TRPV3: variants seen among roughly 807,000 people sequenced by gnomAD.
The protein encoded by TRPV3 is transient receptor potential cation channel subfamily V member 3, also known as VRL-3.
TRPV3 carries 88 observed loss-of-function variants against 87.1 expected under a neutral mutation model. The ratio of observed to expected loss-of-function variants is 1.01; its 90% CI spans 0.85 to 1.21. The LOEUF (loss-of-function observed/expected upper bound fraction) is 1.21. Ranked by LOEUF, TRPV3 falls within the 50% of genes most tolerant of loss-of-function variation. TRPV3 has a pLI of 0.00. For missense variants in TRPV3, 1,054 were observed against 1,030.1 expected (o/e 1.02, Z -0.32); for synonymous variants, 438 against 423.3 (o/e 1.03, Z -0.43).
Position 3,542,530 on chromosome 17 carries a change from G to C in TRPV3, c.635C>G (p.Ala212Gly). 1 of 1,613,618 alleles carries C rather than the reference G, an allele frequency of 6.2e-7. No individual in the cohort carries two copies. The highest frequency in any genetic ancestry group is 2.2e-5 in the East Asian group (1 of 44,868). ...RFINAEYTEE[A>G]YEGQTALNIA... Reference sequence around the variant, plus strand: ...CTCTGCAGGCAGGATACCTTCATAGGCCTCCTCTGTGTACTCGGCGTTGAT... The same window carrying C: ...CTCTGCAGGCAGGATACCTTCATAGCCCTCCTCTGTGTACTCGGCGTTGAT... Residue 212 changes from alanine to glycine, a missense_variant, in exon 6 of 18, where the codon GCC becomes GGC. Transcript: ENST00000576742.
rs2074636623 is a variant in TRPV3 at position 3,556,727 on chromosome 17, C to T, written c.-3+949G>A. On this transcript the variant is annotated intron_variant, in intron 1 of 17. Transcript: ENST00000576742. This position sits in a 1 kb window ranked among gnomAD's most constrained non-coding sequence, Gnocchi z 4.2. ...GCTTTGGCCCTGGAGCGTAGGCAAC[C>T]TTGAGGCCAGGCAGGTGGAGTAGCC... Among the ~76,000 whole-genome samples, 1 of 152,128 alleles carries T rather than the reference C, an allele frequency of 6.6e-6. No individual in the cohort carries two copies. Among genetic ancestry groups the T allele is most frequent in the African/African-American group, 2.4e-5 (1 of 41,436 alleles).
rs113213025 is a variant in TRPV3, at chr17:3,539,359, G to A, written c.643+3163C>T. ...TACAATGAAACTCTATTCATGTGAC[G>A]TGGATGTTGTTAGGCTGGGTGCGGT... On this transcript the variant is annotated intron_variant, in intron 6 of 17. Transcript: ENST00000576742. Among the ~76,000 whole-genome samples, 1,084 of 152,046 alleles carry A rather than the reference G, an allele frequency of 7.1e-3. 20 individuals carry two copies. Among genetic ancestry groups the A allele is most frequent in the African/African-American group, 0.025 (1,022 of 41,484 alleles).
chr17:3,519,849 ACTGGATGGATGGATGGATGGATGGATGG>A (rs2074227558), intron 14 of TRPV3, among the ~76,000 whole-genome samples: 1 of 18,476 alleles, frequency 5.4e-5, no homozygotes, highest in Non-Finnish European at 1.3e-4. Context: ...TGGATGGATG[ACTGGATGGATGGATGGATGGATGGATGG>A]ATGGATGGAT....
chr17:3,531,877 G>A (rs1167082998), intron 8 of TRPV3, among the ~76,000 whole-genome samples: 1 of 152,172 alleles, frequency 6.6e-6, no homozygotes, highest in African/African-American at 2.4e-5. Context: ...CAAGGCCCTC[G>A]GGGCAGCTGA....
chr17:3,524,255 C>A lies in TRPV3; in HGVS notation c.1686G>T (p.Met562Ile), dbSNP rs757549191. 1 of 1,614,124 alleles carries A rather than the reference C, an allele frequency of 6.2e-7. No homozygotes were observed. The change falls in exon 13 of 18, where the codon ATG (methionine) becomes ATT (isoleucine). Residue 562 changes from methionine to isoleucine, a missense_variant. Transcript: ENST00000576742. ...VLAMALGWAN[M>I]LYYTRGFQSM... The stretch of plus-strand genomic sequence containing the variant: ...ACTGGAAACCCCGCGTATAGTAGAG[C>A]ATGTTCGCCCAGCCCAGGGCCATGG...
Position 3,557,270 on chromosome 17 carries a change from G to A in TRPV3, c.-3+406C>T, listed in dbSNP as rs943376286. On this transcript the variant is annotated intron_variant, in intron 1 of 17. Coordinates refer to ENST00000576742, the MANE Select transcript of TRPV3 (RefSeq NM_145068.4). This position sits in a 1 kb window ranked among gnomAD's most constrained non-coding sequence, Gnocchi z 4.5. Reference sequence around the variant, plus strand: ...AGCACCTGTGAGATGCCTGGGCCCCGTCTGTCTCCCACGGTGGGGCCACCT... The same window carrying A: ...AGCACCTGTGAGATGCCTGGGCCCCATCTGTCTCCCACGGTGGGGCCACCT... Among the ~76,000 whole-genome samples, 9 of 152,062 alleles carry A rather than the reference G, an allele frequency of 5.9e-5. No individual in the cohort carries two copies. The highest frequency in any genetic ancestry group is 1.7e-4 in the African/African-American group (7 of 41,400).
intron 14 of TRPV3, among the ~76,000 whole-genome samples, chr17:3,520,183 A>G (rs1254993757): frequency 9.2e-5 from 14 of 152,220 alleles, no homozygotes; most frequent in Non-Finnish European, 1.8e-4. Flanking sequence ...GAAAAGAAAA[A>G]AAAGCAACTG....
Position 3,511,746 on chromosome 17 carries a change from T to C in TRPV3, c.*2171A>G, listed in dbSNP as rs2074116504. 1 of 152,216 alleles carries C rather than the reference T, an allele frequency of 6.6e-6. No individual in the cohort carries two copies. Among genetic ancestry groups the C allele is most frequent in the Non-Finnish European group, 1.5e-5 (1 of 68,046 alleles). The allele number at this position is 152,216 out of a possible 1,614,324, so 9.4% of individuals were successfully genotyped here. A position where few individuals can be genotyped will look rare whatever the true frequency, so the allele number is the denominator to read the frequency against. The stretch of plus-strand genomic sequence containing the variant: ...GACAAAAGCTGGCAGGTTAGGCAAA[T>C]AGAAATCAATAATTGGCTTTATCCA... On this transcript the variant is annotated 3_prime_UTR_variant, in exon 18 of 18. Coordinates refer to ENST00000576742, the MANE Select transcript of TRPV3 (RefSeq NM_145068.4).
rs758241892 is a variant in TRPV3 at position 3,530,218 on chromosome 17, G to A, written c.1066-15C>T. ...TACTTCAGGATCTGGGACAGGAGGA[G>A]GAACAACCATCAGCTGCAGAACAGG... On this transcript the variant is annotated splice_polypyrimidine_tract_variant and intron_variant, in intron 8 of 17. Coordinates refer to ENST00000576742, the MANE Select transcript of TRPV3 (RefSeq NM_145068.4). This position sits in a 1 kb window ranked among gnomAD's most constrained non-coding sequence, Gnocchi z 4.0. The A allele has an allele frequency of 6.1e-5, 98 of 1,605,146 alleles. No individual in the cohort carries two copies. In the South Asian group the frequency reaches 1.0e-3, roughly 16 times the overall value.
In TRPV3 at chr17:3,532,708, G is replaced by T; in HGVS notation, c.1014C>A (p.Asn338Lys). 1 of 1,614,256 alleles carries T rather than the reference G, an allele frequency of 6.2e-7. No individual in the cohort carries two copies. The highest frequency in any genetic ancestry group is 8.5e-7 in the Non-Finnish European group (1 of 1,180,046). ...SGNWELETTR[N>K]NDGLTPLQLA... ...GCTGCAGCGGCGTGAGGCCATCGTT[G>T]TTGCGAGTGGTCTCCAGCTCCCAGT... Residue 338 changes from asparagine (N) to lysine (K), a missense_variant, in exon 8 of 18, where the codon AAC becomes AAA. By Grantham distance (94) the Asn-to-Lys change is moderately conservative (BLOSUM62 0). Transcript: ENST00000576742.
At chr17:3,531,031 G>A (rs911194180) in intron 8 of TRPV3, among the ~76,000 whole-genome samples, 2 of 151,690 alleles carry the variant, frequency 1.3e-5, no homozygotes, top group Non-Finnish European at 2.9e-5. Context: ...ACTCCAGCCT[G>A]GGCAATGAAG....
At position 3,514,698 on chromosome 17, in the gene TRPV3, T is replaced by G. The variant is rs112674515; in HGVS notation, c.2199-26A>C. Reference sequence around the variant, plus strand: ...CTGCAAATGTGATAATCATTCTTACTATTTCACCAGTGCCTCACTGAGTAC... The same window carrying G: ...CTGCAAATGTGATAATCATTCTTACGATTTCACCAGTGCCTCACTGAGTAC... On this transcript the variant is annotated intron_variant, in intron 16 of 17. Coordinates refer to ENST00000576742, the MANE Select transcript of TRPV3 (RefSeq NM_145068.4). The G allele has an allele frequency of 6.7e-5, 105 of 1,577,376 alleles. No individual in the cohort carries two copies. The African/African-American group carries it at 1.1e-3, about 16-fold the overall frequency.
intron 14 of TRPV3, among the ~76,000 whole-genome samples, chr17:3,519,842 A>G (rs2074227218): frequency 8.6e-6 from 1 of 115,964 alleles, no homozygotes; most frequent in Non-Finnish European, 2.0e-5. Flanking sequence ...GGATGAATGG[A>G]TGGATGACTG....
At position 3,542,656 on chromosome 17, in the gene TRPV3, G is replaced by T. The variant is rs202045599; in HGVS notation, c.509C>A (p.Thr170Asn). ...GTTTAACAAGGCCTTCATCAGGCAG[G>T]TCTTCCCCGTGTCGGAGGCCGTCAG... Reference protein sequence around the residue: ...HKLTASDTGKTCLMKALLNIN... With the variant: ...HKLTASDTGKNCLMKALLNIN... Residue 170 changes from threonine to asparagine, a missense_variant, in exon 6 of 18, where the codon ACC becomes AAC. Coordinates refer to ENST00000576742, the MANE Select transcript of TRPV3 (RefSeq NM_145068.4). 3 of 1,614,118 alleles carry T rather than the reference G, an allele frequency of 1.9e-6. No individual in the cohort carries two copies. The highest frequency in any genetic ancestry group is 2.5e-6 in the Non-Finnish European group (3 of 1,180,006).
At chr17:3,537,424 C>A (rs1476470598) in intron 6 of TRPV3, among the ~76,000 whole-genome samples, 1 of 151,972 alleles carries the variant, frequency 6.6e-6, no homozygotes, top group South Asian at 2.1e-4. Flanking sequence ...CCTGCACCAC[C>A]ACTCCCGGCT....
intron 2 of TRPV3, among the ~76,000 whole-genome samples, chr17:3,545,760 C>T (rs933367961): frequency 1.3e-5 from 2 of 150,916 alleles, no homozygotes; most frequent in Non-Finnish European, 3.0e-5. Flanking sequence ...GGGCAGATCA[C>T]CTGAGGTAAG....
intron 14 of TRPV3, among the ~76,000 whole-genome samples, chr17:3,520,255 T>C (rs1050282453): frequency 6.6e-6 from 1 of 152,156 alleles, no homozygotes; most frequent in African/African-American, 2.4e-5. Flanking sequence ...GATCGTGCTG[T>C]TCCCTCTGTT....
intron 16 of TRPV3, 35 bp from the exon 17 acceptor site, chr17:3,514,707 A>G (rs1184104851): frequency 6.6e-7 from 1 of 1,512,584 alleles, no homozygotes; most frequent in Admixed American, 1.7e-5. Flanking sequence ...CTATTTCACC[A>G]GTGCCTCACT....
rs1371711136 is a variant in TRPV3 at position 3,518,034 on chromosome 17, G to T, written c.2085+542C>A. On this transcript the variant is annotated intron_variant, in intron 15 of 17. Coordinates refer to ENST00000576742, the MANE Select transcript of TRPV3 (RefSeq NM_145068.4). This position sits in a 1 kb window ranked among gnomAD's most constrained non-coding sequence, Gnocchi z 4.3. The stretch of plus-strand genomic sequence containing the variant: ...AGGTTTCACCATGTTGGCCAAGCTG[G>T]GCTCGAACTCTTGACCTCAGGTGAT... 1.3e-5 allele frequency among the ~76,000 whole-genome samples: 2 copies of T among 151,902 alleles called. No individual in the cohort carries two copies. The highest frequency in any genetic ancestry group is 1.3e-4 in the Admixed American group (2 of 15,246).
Sources: gnomAD v4.1 joint callset for allele counts (sites outside exome capture counted in the v4.1 genomes callset) on GRCh38, gnomAD v4.1.1 for gene constraint, Gnocchi (gnomAD v3.1) non-coding constraint, MANE v1.5 for transcripts, NCBI Gene and HGNC (gene_info 2026-07-23, HGNC 2026-07-21) for gene names.